ADARB1: variants seen among roughly 807,000 people sequenced by gnomAD.
ADARB1 encodes double-stranded RNA-specific editase 1.
Under a neutral mutation model 52.4 loss-of-function variants are expected in ADARB1, and 10 were observed. The observed-to-expected ratio is 0.19, with a 90% CI of 0.12 to 0.32. The LOEUF (loss-of-function observed/expected upper bound fraction) is 0.32. ADARB1 is among the 10% of genes least tolerant of loss of function. The probability of loss-of-function intolerance (pLI) is 1.00; values close to 1 mark genes in which losing one functional copy is unlikely to be tolerated. For synonymous variants in ADARB1, 349 were observed against 371.1 expected (o/e 0.94, Z 0.68); for missense variants, 643 against 922.3 (o/e 0.70, Z 3.92).
chr21:45,081,337 A>G (rs1245779660), intron 1 of ADARB1, among the ~76,000 whole-genome samples: 1 of 152,212 alleles, frequency 6.6e-6, no homozygotes, highest in African/African-American at 2.4e-5. Context: ...GGTTCCAGTA[A>G]CAATTTTTGA....
At chr21:45,102,853 G>C (rs961155255) in intron 1 of ADARB1, among the ~76,000 whole-genome samples, 1 of 152,202 alleles carries the variant, frequency 6.6e-6, no homozygotes, top group Non-Finnish European at 1.5e-5. Context: ...CTTACCCCAA[G>C]GCAAGGGCTG....
intron 2 of ADARB1, among the ~76,000 whole-genome samples, chr21:45,164,115 A>T (rs2838795): frequency 6.6e-6 from 1 of 152,236 alleles, no homozygotes; most frequent in East Asian, 1.9e-4. Context: ...GCCCTGTTTT[A>T]AAGAGCAGAA....
At position 45,128,818 on chromosome 21, in the gene ADARB1, T is replaced by A. The variant is rs1254005300; in HGVS notation, c.-48+245T>A. Among the ~76,000 whole-genome samples, 1 of 152,226 alleles carries A rather than the reference T, an allele frequency of 6.6e-6. No homozygotes were observed. Among genetic ancestry groups the A allele is most frequent in the African/African-American group, 2.4e-5 (1 of 41,464 alleles). ...GCCCTCCAGTGGCATGTGTGGCACC[T>A]GCTGCCCTCCAGTGGCATGTGTGGC... is the stretch of plus-strand genomic sequence containing the variant. On this transcript the variant is annotated intron_variant, in intron 2 of 10. Coordinates refer to ENST00000348831, the MANE Select transcript of ADARB1 (RefSeq NM_001112.4). The surrounding 1 kb of genome is among the most constrained non-coding windows in gnomAD (Gnocchi z 4.6).
chr21:45,224,780 GC>G lies in ADARB1; in HGVS notation c.*2584del, dbSNP rs2093035417. 4 of 984,380 alleles carry G rather than the reference GC, an allele frequency of 4.1e-6. No homozygotes were observed. In the African/African-American group the frequency reaches 7.1e-5, roughly 17 times the overall value. 61.0% of individuals were successfully genotyped at this position (984,380 alleles called of 1,614,324 possible). ...TGCAGGGGACCAGAGGCTCTGCACT[GC>G]TCCTAGGACAGCTCATCTGTAATCA... On this transcript the variant is annotated 3_prime_UTR_variant, in exon 11 of 11. Coordinates refer to ENST00000348831, the MANE Select transcript of ADARB1 (RefSeq NM_001112.4).
At chr21:45,138,906 G>A (rs1941105066) in intron 2 of ADARB1, among the ~76,000 whole-genome samples, 1 of 150,118 alleles carries the variant, frequency 6.7e-6, no homozygotes, top group Admixed American at 6.8e-5. Flanking sequence ...TCTGACCTCT[G>A]TCAGTTTGTT....
At chr21:45,154,639 G>A (rs372519) in intron 2 of ADARB1, among the ~76,000 whole-genome samples, 77,525 of 152,090 alleles carry the variant, frequency 0.51, 19,893 homozygotes, top group South Asian at 0.56. Flanking sequence ...ATCACTCCTG[G>A]ATTATACTTG....
intron 1 of ADARB1, among the ~76,000 whole-genome samples, chr21:45,126,511 G>C (rs1014675539): frequency 7.2e-5 from 11 of 152,174 alleles, no homozygotes; most frequent in African/African-American, 2.7e-4. Context: ...CTCTACATCT[G>C]TTCCTCCATT....
chr21:45,088,494 A>G (rs894593375), intron 1 of ADARB1, among the ~76,000 whole-genome samples: 2 of 152,258 alleles, frequency 1.3e-5, no homozygotes, highest in African/African-American at 4.8e-5. Context: ...TGATATAAGA[A>G]GAAATTGAAA....
At chr21:45,140,868 A>G (rs550948712) in intron 2 of ADARB1, among the ~76,000 whole-genome samples, 24 of 152,250 alleles carry the variant, frequency 1.6e-4, no homozygotes, top group Admixed American at 1.4e-3. Context: ...TGTGTTATGG[A>G]ATGAGAAGTT....
At chr21:45,159,159 G>T (rs1197653955) in intron 2 of ADARB1, among the ~76,000 whole-genome samples, 1 of 152,152 alleles carries the variant, frequency 6.6e-6, no homozygotes, top group Non-Finnish European at 1.5e-5. Flanking sequence ...TTGACTCACC[G>T]TTCCACATGA....
chr21:45,207,694 G>A (rs181646389), intron 9 of ADARB1, among the ~76,000 whole-genome samples: 100 of 152,284 alleles, frequency 6.6e-4, no homozygotes, highest in East Asian at 5.4e-3. Context: ...AGCTCACGTC[G>A]TGTTTGTTAC....
chr21:45,171,954 TG>T (rs2091499580), intron 3 of ADARB1, among the ~76,000 whole-genome samples: 1 of 152,016 alleles, frequency 6.6e-6, no homozygotes, highest in Admixed American at 6.6e-5. Flanking sequence ...GAAGCCCCAC[TG>T]TTTCATGTGG....
At chr21:45,095,899 T>A (rs556668314) in intron 1 of ADARB1, among the ~76,000 whole-genome samples, 78 of 152,338 alleles carry the variant, frequency 5.1e-4, no homozygotes, top group Non-Finnish European at 1.0e-3. Context: ...GGTTCCTGAC[T>A]GAGGGAGGCC....
intron 2 of ADARB1, among the ~76,000 whole-genome samples, chr21:45,140,465 G>T (rs1016303394): frequency 1.3e-5 from 2 of 152,144 alleles, no homozygotes; most frequent in Non-Finnish European, 2.9e-5. Context: ...TAGCTTCTGG[G>T]TGGCTCCTGG....
intron 8 of ADARB1, among the ~76,000 whole-genome samples, chr21:45,190,451 G>T (rs1034212509): frequency 6.6e-6 from 1 of 151,862 alleles, no homozygotes; most frequent in Non-Finnish European, 1.5e-5. Context: ...ATTTCTTTAG[G>T]GTCAGTTTCT....
At chr21:45,211,596 G>A (rs2092770610) in intron 9 of ADARB1, among the ~76,000 whole-genome samples, 1 of 151,902 alleles carries the variant, frequency 6.6e-6, no homozygotes, top group Admixed American at 6.6e-5. Context: ...ATACCTTTAG[G>A]GTAGAAATAA....
chr21:45,148,620 C>G (rs529107218), intron 2 of ADARB1, among the ~76,000 whole-genome samples: 1 of 152,328 alleles, frequency 6.6e-6, no homozygotes, highest in East Asian at 1.9e-4. Flanking sequence ...AATCAGGGCT[C>G]TGAGGGCACT....
At chr21:45,164,618 A>G (rs1027816748) in intron 2 of ADARB1, among the ~76,000 whole-genome samples, 2 of 152,122 alleles carry the variant, frequency 1.3e-5, no homozygotes, top group Admixed American at 6.5e-5. Flanking sequence ...GCGCGAGGAC[A>G]TGGCAGGGAG....
intron 2 of ADARB1, among the ~76,000 whole-genome samples, chr21:45,147,473 A>C (rs1488850751): frequency 6.6e-6 from 1 of 152,176 alleles, no homozygotes; most frequent in Non-Finnish European, 1.5e-5. Flanking sequence ...GTGTGCACAG[A>C]TGCGTGCTTA....
Sources: gnomAD v4.1 joint callset for allele counts (sites outside exome capture counted in the v4.1 genomes callset) on GRCh38, gnomAD v4.1.1 for gene constraint, Gnocchi (gnomAD v3.1) non-coding constraint, MANE v1.5 for transcripts, NCBI Gene and HGNC (gene_info 2026-07-23, HGNC 2026-07-21) for gene names.